DIAPH2: variants seen among roughly 807,000 people sequenced by gnomAD.
The protein encoded by DIAPH2 is protein diaphanous homolog 2.
Under a neutral mutation model 92.7 loss-of-function variants are expected in DIAPH2, and 35 were observed. The ratio of observed to expected loss-of-function variants is 0.38; its 90% CI spans 0.29 to 0.50. The LOEUF (loss-of-function observed/expected upper bound fraction) is 0.50. DIAPH2 is among the 20% of genes least tolerant of loss of function. The pLI is 0.94. For synonymous variants in DIAPH2, 301 were observed against 280.4 expected, an observed-to-expected ratio of 1.07 and a Z score of -0.73; for missense variants, 701 against 819.5, an observed-to-expected ratio of 0.86 and a Z score of 1.77.
At chrX:96,778,233 T>G (rs1045204549) in intron 4 of DIAPH2, among the ~76,000 whole-genome samples, 5 of 110,168 alleles carry the variant, frequency 4.5e-5, no homozygotes, top group African/African-American at 6.6e-5. Flanking sequence ...CATTTTGTCC[T>G]TTTATTTTTG....
intron 15 of DIAPH2, among the ~76,000 whole-genome samples, chrX:96,957,439 T>G (rs768232064): frequency 1.8e-5 from 2 of 111,829 alleles, no homozygotes; most frequent in African/African-American, 6.5e-5. Context: ...CTTCTTCACA[T>G]CGCAGTAGCA....
intron 1 of DIAPH2, among the ~76,000 whole-genome samples, chrX:96,691,223 A>G (rs2063796747): frequency 9.0e-6 from 1 of 111,675 alleles, no homozygotes; most frequent in East Asian, 2.8e-4. Flanking sequence ...ACCCAACTCC[A>G]GTCTACCATG....
chrX:97,586,237 A>G (rs2071478999), intron 26 of DIAPH2, among the ~76,000 whole-genome samples: 1 of 111,357 alleles, frequency 9.0e-6, no homozygotes, highest in African/African-American at 3.3e-5. Context: ...ACAAATCCCT[A>G]ACTGAACTCA....
intron 17 of DIAPH2, among the ~76,000 whole-genome samples, chrX:96,993,736 A>G (rs898074490): frequency 1.8e-5 from 2 of 112,293 alleles, no homozygotes; most frequent in Non-Finnish European, 3.8e-5. Context: ...CTATACTACA[A>G]TGTGGTAACT....
intron 26 of DIAPH2, among the ~76,000 whole-genome samples, chrX:97,436,827 A>G (rs1441070075): frequency 8.9e-6 from 1 of 111,902 alleles, no homozygotes; most frequent in African/African-American, 3.3e-5. Context: ...CTTCTGTAGC[A>G]GCAGGGACTC....
At chrX:96,943,207 G>A (rs1248269816) in intron 13 of DIAPH2, among the ~76,000 whole-genome samples, 1 of 111,177 alleles carries the variant, frequency 9.0e-6, no homozygotes, top group Non-Finnish European at 1.9e-5. Context: ...TTTAATGTCT[G>A]TATAATATTC....
At chrX:97,443,967 T>C (rs1315128152) in intron 26 of DIAPH2, among the ~76,000 whole-genome samples, 2 of 112,380 alleles carry the variant, frequency 1.8e-5, no homozygotes, top group African/African-American at 6.5e-5. Flanking sequence ...TGTGATGCTC[T>C]ATAAGATGGG....
chrX:97,415,640 G>A (rs1052556907), intron 25 of DIAPH2, among the ~76,000 whole-genome samples: 1 of 105,746 alleles, frequency 9.5e-6, no homozygotes, highest in Non-Finnish European at 1.9e-5. Context: ...ACTCATAGGT[G>A]GGAATCTAAC....
intron 26 of DIAPH2, among the ~76,000 whole-genome samples, chrX:97,444,042 C>A (rs889643827): frequency 5.3e-5 from 6 of 112,187 alleles, no homozygotes; most frequent in African/African-American, 1.9e-4. Flanking sequence ...CCAACTGTCA[C>A]ACTTATTTGC....
chrX:97,185,482 T>TATATATATATATATATACAC (rs2067592468), intron 22 of DIAPH2, among the ~76,000 whole-genome samples: 1 of 8,474 alleles, frequency 1.2e-4, no homozygotes, highest in Non-Finnish European at 3.4e-4. Context: ...CACATATATA[T>TATATATATATATATATACAC]ATATATATAT....
At chrX:97,409,856 CA>C (rs984830864) in intron 25 of DIAPH2, among the ~76,000 whole-genome samples, 1 of 112,690 alleles carries the variant, frequency 8.9e-6, no homozygotes, top group Non-Finnish European at 1.9e-5. Context: ...AGTAGATAAA[CA>C]AAGTGGCTGG....
chrX:96,798,120 G>A (rs760639779), intron 4 of DIAPH2, among the ~76,000 whole-genome samples: 11 of 112,296 alleles, frequency 9.8e-5, no homozygotes, highest in African/African-American at 2.9e-4. Flanking sequence ...TATCTCGTTT[G>A]GGATTCTTTC....
chrX:96,760,972 G>T (rs1389685209), intron 4 of DIAPH2, among the ~76,000 whole-genome samples: 1 of 111,087 alleles, frequency 9.0e-6, no homozygotes, highest in Non-Finnish European at 1.9e-5. Flanking sequence ...CTGACGTAGG[G>T]TAATAGGAAT....
chrX:96,881,480 G>A, intron 4 of DIAPH2, 99 bp from the exon 5 acceptor site: 1 of 727,903 alleles, frequency 1.4e-6, no homozygotes, highest in Non-Finnish European at 2.0e-6. Flanking sequence ...GTAGCACTCT[G>A]CACACATTTT....
intron 16 of DIAPH2, among the ~76,000 whole-genome samples, chrX:96,962,454 CACAT>C (rs2065866706): frequency 4.7e-5 from 3 of 63,173 alleles, no homozygotes; most frequent in Admixed American, 2.2e-4. Flanking sequence ...TATATACACA[CACAT>C]ATATATATAC....
chrX:97,514,347 G>A (rs1378218671), intron 26 of DIAPH2, among the ~76,000 whole-genome samples: 1 of 111,918 alleles, frequency 8.9e-6, no homozygotes, highest in East Asian at 2.8e-4. Flanking sequence ...TCGAGCCTTG[G>A]TTTTCAGCTC....
chrX:97,303,919 G>A (rs1024121282), intron 23 of DIAPH2, among the ~76,000 whole-genome samples: 3 of 111,242 alleles, frequency 2.7e-5, no homozygotes, highest in Non-Finnish European at 5.7e-5. Context: ...AAAAGGCATG[G>A]GTAAAATGGA....
chrX:97,515,605 C>G lies in DIAPH2; in HGVS notation c.3242-83648C>G, dbSNP rs138723126. Among the ~76,000 whole-genome samples, 921 of 111,240 alleles carry G rather than the reference C, an allele frequency of 8.3e-3. 15 individuals carry two copies. Among genetic ancestry groups the G allele is most frequent in the African/African-American group, 0.028 (874 of 30,686 alleles). ...AGGGTAGTGGAGAAATATGACTGGA[C>G]AAAGGGGATATGATCTAATAATAAT... On this transcript the variant is annotated intron_variant, in intron 26 of 26. Coordinates refer to ENST00000324765, the MANE Select transcript of DIAPH2 (RefSeq NM_006729.5).
chrX:97,340,895 C>T (rs1340770516), intron 23 of DIAPH2, among the ~76,000 whole-genome samples: 2 of 110,059 alleles, frequency 1.8e-5, no homozygotes, highest in Non-Finnish European at 3.8e-5. Flanking sequence ...TTAAGTGATC[C>T]ACCTGCCTTG....
Sources: allele counts gnomAD v4.1 joint callset (sites outside exome capture counted in the v4.1 genomes callset), GRCh38; gene constraint gnomAD v4.1.1; transcripts MANE v1.5; gene names NCBI Gene and HGNC (gene_info 2026-07-23, HGNC 2026-07-21).